TEX2: variants seen among roughly 807,000 people sequenced by gnomAD.
TEX2 encodes the protein testis expressed 2, also known as testis-expressed protein 2.
A neutral mutation model predicts 106.9 loss-of-function variants in TEX2; 53 were observed. The observed-to-expected ratio is 0.50, with a 90% CI of 0.40 to 0.62. The LOEUF is 0.62. Among genes scored for constraint, TEX2 ranks in the 20% least tolerant of loss-of-function variants. The probability of loss-of-function intolerance (pLI) is 0.00; values close to 1 mark genes in which losing one functional copy is unlikely to be tolerated. For missense variants in TEX2, 1,207 were observed against 1,379.0 expected, an observed-to-expected ratio of 0.88 and a Z score of 1.98; for synonymous variants, 523 against 534.8, an observed-to-expected ratio of 0.98 and a Z score of 0.30.
At chr17:64,149,242 A>G in intron 11 of TEX2, 151 bp from the exon 12 acceptor site, 1 of 757,530 alleles carries the variant, frequency 1.3e-6, no homozygotes, top group Non-Finnish European at 2.1e-6. Context: ...CCCACCATAC[A>G]TACTTTAGAA....
intron 2 of TEX2, among the ~76,000 whole-genome samples, chr17:64,203,737 A>C (rs2143975253): frequency 6.6e-6 from 1 of 152,320 alleles, no homozygotes; most frequent in South Asian, 2.1e-4. Context: ...AGACACTATA[A>C]AGAACATTAA....
Position 64,239,904 on chromosome 17 carries a change from A to AAAAAAAAAAAAAAAG in TEX2, c.-26+23263_-26+23264insCTTTTTTTTTTTTTT, listed in dbSNP as rs781859721. Among the ~76,000 whole-genome samples, 13 of 118,848 alleles carry AAAAAAAAAAAAAAAG rather than the reference A, an allele frequency of 1.1e-4. 1 individual carries two copies. Among genetic ancestry groups the AAAAAAAAAAAAAAAG allele is most frequent in the South Asian group, 2.8e-4 (1 of 3,582 alleles). The allele number at this position is 118,848 out of a possible 152,430, so 78.0% of individuals were successfully genotyped here. A position where few individuals can be genotyped will look rare whatever the true frequency, so the allele number is the denominator to read the frequency against. On this transcript the variant is annotated intron_variant, in intron 1 of 11. Transcript: ENST00000584379. ...AAAAAAAAAAAAAAAAAAAAAAAAA[A>AAAAAAAAAAAAAAAG]GCAGAGAAGATAAGAGAAGAGAAAT...
chr17:64,175,335 T>C (rs2031577411), intron 6 of TEX2, among the ~76,000 whole-genome samples: 1 of 152,220 alleles, frequency 6.6e-6, no homozygotes, highest in Non-Finnish European at 1.5e-5. Flanking sequence ...CTCTAGCCTC[T>C]GGCACTGCTG....
chr17:64,236,390 C>A (rs138768487), intron 1 of TEX2, among the ~76,000 whole-genome samples: 105 of 152,108 alleles, frequency 6.9e-4, no homozygotes, highest in Non-Finnish European at 2.2e-4. Flanking sequence ...ACGGTGAGAC[C>A]CCGTCTCTAC....
chr17:64,258,616 C>T (rs1403249171), intron 1 of TEX2, among the ~76,000 whole-genome samples: 1 of 152,142 alleles, frequency 6.6e-6, no homozygotes, highest in Non-Finnish European at 1.5e-5. Context: ...TCACAAACAC[C>T]TGAGACTTCA....
chr17:64,256,689 G>T (rs1480649389), intron 1 of TEX2, among the ~76,000 whole-genome samples: 1 of 152,122 alleles, frequency 6.6e-6, no homozygotes, highest in Non-Finnish European at 1.5e-5. Flanking sequence ...AATGTGCTTT[G>T]TGCAGGAAGG....
Position 64,188,407 on chromosome 17 carries a change from G to A in TEX2, c.2185C>T (p.Pro729Ser). ...GVSGGKPGLL[P>S]AHSRHNSPSG... ...GGACTGTTGTGTCTGCTGTGTGCAG[G>A]CAAAAGCCCTGGAGCCAAGAAGACG... is the stretch of plus-strand genomic sequence containing the variant. Residue 729 changes from proline to serine, a missense_variant, in exon 5 of 12, where the codon CCT becomes TCT. Around this residue, in one of 3 missense-constraint regions of TEX2, gnomAD observed 1,067 missense variants for 1,193.6 expected, o/e 0.89. Coordinates refer to ENST00000584379, the MANE Select transcript of TEX2 (RefSeq NM_001288732.2). 1 of 1,614,192 alleles carries A rather than the reference G, an allele frequency of 6.2e-7. No individual in the cohort carries two copies. Among genetic ancestry groups the A allele is most frequent in the African/African-American group, 1.3e-5 (1 of 75,052 alleles).
At chr17:64,244,459 T>G (rs1555636090) in intron 1 of TEX2, among the ~76,000 whole-genome samples, 1 of 152,158 alleles carries the variant, frequency 6.6e-6, no homozygotes, top group Non-Finnish European at 1.5e-5. Flanking sequence ...ATTTCATAAG[T>G]TACTATTTTT....
chr17:64,154,524 G>C (rs909776311), intron 9 of TEX2, among the ~76,000 whole-genome samples: 13 of 152,284 alleles, frequency 8.5e-5, no homozygotes, highest in Admixed American at 6.5e-4. Context: ...GAGGCTCTCC[G>C]GGGGGAGGGG....
At position 64,149,086 on chromosome 17, in the gene TEX2, A is replaced by C. The variant is rs1268168725; in HGVS notation, c.3267T>G (p.Val1089=). The change falls in exon 12 of 12, where the codon GTT becomes GTG. Residue 1089 remains valine, a synonymous_variant. Coordinates refer to ENST00000584379, the MANE Select transcript of TEX2 (RefSeq NM_001288732.2). ...EKKLEQEFQK[V]FVMPNMDDVY... is the part of the protein sequence containing the mutation. The stretch of plus-strand genomic sequence containing the variant: ...CATCATCCATGTTTGGCATGACAAA[A>C]ACTTTCTGTAGGAAGATATTAAAGA... 1 of 1,613,924 alleles carries C rather than the reference A, an allele frequency of 6.2e-7. No homozygotes were observed. Among genetic ancestry groups the C allele is most frequent in the Admixed American group, 1.7e-5 (1 of 59,992 alleles).
At chr17:64,197,214 G>A (rs911619793) in intron 2 of TEX2, among the ~76,000 whole-genome samples, 1 of 151,842 alleles carries the variant, frequency 6.6e-6, no homozygotes, top group Non-Finnish European at 1.5e-5. Context: ...CTTCCTTAAA[G>A]GTTTGATAGC....
At chr17:64,245,605 C>CATCTAG (rs2033971818) in intron 1 of TEX2, among the ~76,000 whole-genome samples, 2 of 152,304 alleles carry the variant, frequency 1.3e-5, no homozygotes, top group Non-Finnish European at 2.9e-5. Flanking sequence ...ATATTATGGT[C>CATCTAG]ATCTAGCTAG....
intron 8 of TEX2, chr17:64,156,282 G>A (rs2030624508): frequency 6.6e-6 from 1 of 152,280 alleles, no homozygotes; most frequent in African/African-American, 2.4e-5. Flanking sequence ...GCTGTAAGAG[G>A]ACCCGGACTG....
At chr17:64,234,355 T>C (rs1220012957) in intron 1 of TEX2, among the ~76,000 whole-genome samples, 1 of 152,234 alleles carries the variant, frequency 6.6e-6, no homozygotes, top group Admixed American at 6.5e-5. Context: ...CTAACAGCAG[T>C]ATCCTGTCTT....
At chr17:64,188,787 G>A (rs1163519126) in intron 4 of TEX2, among the ~76,000 whole-genome samples, 5 of 149,628 alleles carry the variant, frequency 3.3e-5, no homozygotes, top group East Asian at 2.0e-4. Flanking sequence ...CTGCACTCCA[G>A]TCTGGGCAAC....
chr17:64,175,185 A>G (rs1163839851), intron 6 of TEX2, among the ~76,000 whole-genome samples: 1 of 152,230 alleles, frequency 6.6e-6, no homozygotes, highest in Non-Finnish European at 1.5e-5. Flanking sequence ...TGACAGCTTC[A>G]GAATTTGGTA....
intron 4 of TEX2, among the ~76,000 whole-genome samples, chr17:64,191,292 G>A (rs944975209): frequency 6.6e-6 from 1 of 152,084 alleles, no homozygotes; most frequent in African/African-American, 2.4e-5. Context: ...AATTGAACTC[G>A]TTAAAAATAA....
At chr17:64,177,515 A>G (rs2031663849) in intron 5 of TEX2, 44 bp from the exon 6 acceptor site, 1 of 1,598,272 alleles carries the variant, frequency 6.3e-7, no homozygotes, top group Admixed American at 1.8e-5. Context: ...AAGCAACTGG[A>G]GAATAAGACA....
chr17:64,194,558 GT>G (rs1192390911), intron 3 of TEX2, among the ~76,000 whole-genome samples: 14 of 152,138 alleles, frequency 9.2e-5, no homozygotes, highest in African/African-American at 3.1e-4. Flanking sequence ...ACAGCTTTTT[GT>G]TTGACTGAAA....
Sources: allele counts gnomAD v4.1 joint callset (sites outside exome capture counted in the v4.1 genomes callset), GRCh38; gene constraint gnomAD v4.1.1; regional missense constraint gnomAD v4.1.1; transcripts MANE v1.5; gene names NCBI Gene and HGNC (gene_info 2026-07-23, HGNC 2026-07-21).